C1orf141: variants seen among roughly 807,000 people sequenced by gnomAD.
The protein encoded by C1orf141 is chromosome 1 open reading frame 141, also known as uncharacterized protein C1orf141.
A neutral mutation model predicts 23.2 loss-of-function variants in C1orf141; 19 were observed. The observed-to-expected ratio is 0.82, with a 90% CI of 0.57 to 1.20. The LOEUF (loss-of-function observed/expected upper bound fraction) is 1.20. Among genes scored for constraint, C1orf141 ranks in the 50% most tolerant of loss-of-function variants. The pLI, the probability that C1orf141 is intolerant of heterozygous loss-of-function variation, is 0.00. For missense variants in C1orf141, 469 were observed against 455.1 expected, an observed-to-expected ratio of 1.03 and a Z score of -0.28; for synonymous variants, 153 against 154.6, an observed-to-expected ratio of 0.99 and a Z score of 0.08.
chr1:67,125,990 A>G lies in C1orf141; in HGVS notation c.76-81T>C, dbSNP rs1646405223. On this transcript the variant is annotated intron_variant, in intron 3 of 7. Coordinates refer to ENST00000684719, the MANE Select transcript of C1orf141 (RefSeq NM_001276351.2). ...GGAAAATCTTAGGTGGAAAGAAAAA[A>G]AATCTCACTTTACACACACACACAC... 7.2e-6 allele frequency: 10 copies of G among 1,392,762 alleles called. No individual in the cohort carries two copies. The South Asian group carries it at 1.2e-4, about 16-fold the overall frequency. The allele number at this position is 1,392,762 out of a possible 1,614,324, so 86.3% of individuals were successfully genotyped here.
chr1:67,095,956 A>G (rs750598076), intron 6 of C1orf141: 11 of 214,600 alleles, frequency 5.1e-5, no homozygotes, highest in Non-Finnish European at 1.0e-4. Context: ...TGAGAACTTT[A>G]TCCAAAGAAA....
intron 5 of C1orf141, chr1:67,111,513 T>C (rs1003038592): frequency 1.6e-6 from 1 of 606,668 alleles, no homozygotes; most frequent in Non-Finnish European, 2.6e-6. Flanking sequence ...GGAGCATATA[T>C]AAAATTATTA....
intron 5 of C1orf141, among the ~76,000 whole-genome samples, chr1:67,099,668 A>G (rs981058553): frequency 4.6e-5 from 7 of 152,174 alleles, no homozygotes; most frequent in Admixed American, 6.6e-5. Context: ...AATCCCAGCT[A>G]CTTGGGAGGA....
intron 7 of C1orf141, chr1:67,094,865 G>T (rs1375400968): frequency 3.6e-5 from 6 of 165,262 alleles, no homozygotes; most frequent in Admixed American, 1.3e-4. Flanking sequence ...AAATGCCTGG[G>T]CTCAAGCAGT....
intron 5 of C1orf141, among the ~76,000 whole-genome samples, chr1:67,099,380 C>T (rs900886949): frequency 1.3e-5 from 2 of 152,144 alleles, no homozygotes; most frequent in African/African-American, 4.8e-5. Flanking sequence ...TCAAGAGTGA[C>T]AGCAAAATAA....
At chr1:67,103,312 GA>G in intron 5 of C1orf141, 1 of 1,493,342 alleles carries the variant, frequency 6.7e-7, no homozygotes, top group Non-Finnish European at 9.0e-7. Context: ...AAAGTCTGTA[GA>G]ACCCAGTGAT....
At chr1:67,114,217 T>C (rs980887534) in intron 5 of C1orf141, among the ~76,000 whole-genome samples, 1 of 152,098 alleles carries the variant, frequency 6.6e-6, no homozygotes, top group Non-Finnish European at 1.5e-5. Flanking sequence ...CTGGATGTTT[T>C]AGGGAAAGTG....
At chr1:67,138,991 G>A (rs555882209), upstream of C1orf141, 19 of 152,388 alleles carry the variant, frequency 1.2e-4, no homozygotes, top group African/African-American at 4.3e-4. Context: ...TAGTCTGCCT[G>A]TTATGACAAT....
intron 3 of C1orf141, 58 bp from the exon 4 acceptor site, chr1:67,125,967 A>C (rs1221546272): frequency 6.3e-6 from 9 of 1,433,408 alleles, no homozygotes; most frequent in Non-Finnish European, 6.5e-6. Context: ...TTATATGGGG[A>C]AAATCTTAGG....
intron 5 of C1orf141, among the ~76,000 whole-genome samples, chr1:67,112,822 G>A (rs1253529269): frequency 1.3e-5 from 2 of 152,200 alleles, no homozygotes; most frequent in East Asian, 3.8e-4. Context: ...TGATAGCGTA[G>A]TCAGAGGACG....
rs1646212948 is a variant in C1orf141 at position 67,117,280 on chromosome 1, G to T, written c.234-1816C>A. On this transcript the variant is annotated intron_variant, in intron 4 of 7. Transcript: ENST00000684719. ...TCTACTAAAAATACAAAAATTAGCT[G>T]GGTGTGGTGGCATGTGCCTCTAGTC... Among the ~76,000 whole-genome samples, 5 of 152,150 alleles carry T rather than the reference G, an allele frequency of 3.3e-5. No individual in the cohort carries two copies. The South Asian group carries it at 1.0e-3, about 32-fold the overall frequency.
chr1:67,093,080 A>G lies in C1orf141; in HGVS notation c.1128T>C (p.Tyr376=), dbSNP rs41299551. The change falls in exon 8 of 8, where the codon TAT becomes TAC. Residue 376 remains tyrosine (Y), a synonymous_variant. Transcript: ENST00000684719. ...PVKCYSKPFK[Y]IYELNNVTPL... is the part of the protein sequence containing the mutation. ...GCGTTACATTATTTAGTTCATATAT[A>G]TATTTAAAAGGCTTTGAGTAACATT... 89,107 of 1,609,730 alleles carry G rather than the reference A, an allele frequency of 0.055. 3,841 individuals carry two copies. Among genetic ancestry groups the G allele is most frequent in the African/African-American group, 0.22 (16,513 of 74,850 alleles).
At chr1:67,099,028 A>T (rs1214436994) in intron 5 of C1orf141, among the ~76,000 whole-genome samples, 3 of 152,228 alleles carry the variant, frequency 2.0e-5, no homozygotes, top group Non-Finnish European at 4.4e-5. Flanking sequence ...TTTACCCAAT[A>T]GCTTTGGAAG....
chr1:67,115,509 T>A, intron 4 of C1orf141, 45 bp from the exon 5 acceptor site: 3 of 771,660 alleles, frequency 3.9e-6, no homozygotes, highest in Non-Finnish European at 6.2e-6. Context: ...ATGAGAAAAA[T>A]TACAAAATAA....
At chr1:67,123,708 C>T (rs192399679) in intron 4 of C1orf141, 63 of 152,250 alleles carry the variant, frequency 4.1e-4, no homozygotes, top group East Asian at 3.9e-4. Flanking sequence ...CTAAGCTTCC[C>T]TAGAAGTAGG....
At chr1:67,119,346 TTTGTGGAATGCAGAAC>T (rs1173358156) in intron 4 of C1orf141, among the ~76,000 whole-genome samples, 3 of 152,206 alleles carry the variant, frequency 2.0e-5, no homozygotes, top group Non-Finnish European at 4.4e-5. Flanking sequence ...GTTTTAGTAT[TTTGTGGAATGCAGAAC>T]TTGCAGGCAA....
intron 5 of C1orf141, among the ~76,000 whole-genome samples, chr1:67,108,682 C>A (rs893985687): frequency 6.6e-6 from 1 of 152,018 alleles, no homozygotes; most frequent in African/African-American, 2.4e-5. Context: ...GAGCAGAAAT[C>A]GTGCCACTGC....
upstream of C1orf141, among the ~76,000 whole-genome samples, chr1:67,139,683 GGCAGTATT>G (rs1485775727): frequency 1.3e-5 from 2 of 152,140 alleles, no homozygotes; most frequent in Non-Finnish European, 2.9e-5. Flanking sequence ...TCTCCAGTGT[GGCAGTATT>G]GAGAGGTGAG....
At chr1:67,136,830 A>C (rs1333491190), upstream of C1orf141, among the ~76,000 whole-genome samples, 1 of 152,188 alleles carries the variant, frequency 6.6e-6, no homozygotes, top group Non-Finnish European at 1.5e-5. Flanking sequence ...CAAAGTACAA[A>C]GTATTTTCTC....
Sources: allele counts gnomAD v4.1 joint callset (sites outside exome capture counted in the v4.1 genomes callset), GRCh38; gene constraint gnomAD v4.1.1; transcripts MANE v1.5; gene names NCBI Gene and HGNC (gene_info 2026-07-23, HGNC 2026-07-21).